SLC35F1: variants seen among roughly 807,000 people sequenced by gnomAD.
SLC35F1 encodes the protein solute carrier family 35 member F1, also known as chromosome 6 open reading frame 169.
SLC35F1 carries 14 observed loss-of-function variants against 48.7 expected under a neutral mutation model. The ratio of observed to expected loss-of-function variants is 0.29; its 90% CI spans 0.19 to 0.45. The LOEUF (loss-of-function observed/expected upper bound fraction) is 0.45, where lower values mean the gene tolerates loss of function less well. SLC35F1 is among the 20% of genes least tolerant of loss of function. SLC35F1 has a pLI of 1.00. For missense variants in SLC35F1, 404 were observed against 500.0 expected, an observed-to-expected ratio of 0.81 and a Z score of 1.83; for synonymous variants, 190 against 202.2, an observed-to-expected ratio of 0.94 and a Z score of 0.51.
intron 2 of SLC35F1, among the ~76,000 whole-genome samples, chr6:118,173,781 A>G (rs1436375799): frequency 6.6e-6 from 1 of 152,172 alleles, no homozygotes; most frequent in Non-Finnish European, 1.5e-5. Flanking sequence ...AGAGAATTCC[A>G]TAGGTGCAGA....
intron 1 of SLC35F1, among the ~76,000 whole-genome samples, chr6:118,148,353 A>G (rs149626561): frequency 0.011 from 1,723 of 152,350 alleles, 17 homozygotes; most frequent in Non-Finnish European, 0.014. Context: ...TATAACTAAG[A>G]GAAGAAAACA....
At chr6:118,151,780 G>C (rs1048789942) in intron 1 of SLC35F1, among the ~76,000 whole-genome samples, 8 of 152,184 alleles carry the variant, frequency 5.3e-5, no homozygotes, top group African/African-American at 1.7e-4. Flanking sequence ...GCCTCCCAGA[G>C]TGTTGGGATT....
chr6:118,094,130 G>A (rs1400116815), intron 1 of SLC35F1, among the ~76,000 whole-genome samples: 2 of 152,138 alleles, frequency 1.3e-5, no homozygotes, highest in East Asian at 1.9e-4. Context: ...TGTTGAGAAT[G>A]ATATGGGGGA....
intron 1 of SLC35F1, among the ~76,000 whole-genome samples, chr6:118,020,461 T>C (rs1356929419): frequency 6.6e-6 from 1 of 152,194 alleles, no homozygotes; most frequent in African/African-American, 2.4e-5. Context: ...CAAAGTGTTA[T>C]AGATTATCTG....
chr6:118,079,062 A>G (rs531183241), intron 1 of SLC35F1, among the ~76,000 whole-genome samples: 7 of 152,344 alleles, frequency 4.6e-5, no homozygotes, highest in African/African-American at 1.7e-4. Flanking sequence ...GATTTTTTGT[A>G]TACAATTTTT....
intron 2 of SLC35F1, among the ~76,000 whole-genome samples, chr6:118,163,424 T>A (rs12195573): frequency 1.3e-5 from 2 of 150,106 alleles, no homozygotes; most frequent in Non-Finnish European, 3.0e-5. Flanking sequence ...ACACTCACAC[T>A]CACACACACA....
intron 1 of SLC35F1, among the ~76,000 whole-genome samples, chr6:118,112,205 T>G (rs1404085994): frequency 6.6e-6 from 1 of 151,846 alleles, no homozygotes; most frequent in East Asian, 1.9e-4. Flanking sequence ...CTCGGCTCAC[T>G]GAAACCTCCA....
chr6:117,920,859 A>G (rs1775888536), intron 1 of SLC35F1, among the ~76,000 whole-genome samples: 1 of 152,142 alleles, frequency 6.6e-6, no homozygotes, highest in South Asian at 2.1e-4. Flanking sequence ...AAGATGATCG[A>G]TCCATGATAT....
chr6:117,989,348 G>T (rs764628418), intron 1 of SLC35F1, among the ~76,000 whole-genome samples: 3 of 152,224 alleles, frequency 2.0e-5, no homozygotes, highest in Non-Finnish European at 4.4e-5. Context: ...CTTTCTGGAA[G>T]ACTGTCACCA....
intron 1 of SLC35F1, among the ~76,000 whole-genome samples, chr6:117,969,392 A>T (rs908368387): frequency 2.0e-5 from 3 of 152,202 alleles, no homozygotes; most frequent in African/African-American, 7.2e-5. Context: ...AAAAGAAAAC[A>T]TTCACTTATT....
intron 1 of SLC35F1, among the ~76,000 whole-genome samples, chr6:117,999,677 A>T (rs1275492122): frequency 1.3e-5 from 2 of 152,164 alleles, no homozygotes; most frequent in African/African-American, 4.8e-5. Context: ...TTTTGAAAGG[A>T]TCAACAAAAT....
chr6:118,122,810 A>G (rs1367809162), intron 1 of SLC35F1, among the ~76,000 whole-genome samples: 1 of 152,210 alleles, frequency 6.6e-6, no homozygotes, highest in Non-Finnish European at 1.5e-5. Flanking sequence ...AATAATTAAG[A>G]GCTGGCTTTA....
chr6:118,082,879 C>T (rs1562284457), intron 1 of SLC35F1, among the ~76,000 whole-genome samples: 1 of 152,106 alleles, frequency 6.6e-6, no homozygotes, highest in Non-Finnish European at 1.5e-5. Flanking sequence ...CTGCTCATCC[C>T]TGAAGTTGTC....
At chr6:118,241,603 G>A (rs1014961007) in intron 3 of SLC35F1, among the ~76,000 whole-genome samples, 14 of 151,742 alleles carry the variant, frequency 9.2e-5, no homozygotes, top group African/African-American at 3.4e-4. Context: ...GTGTGTGTGT[G>A]TGTGTCTGTG....
At chr6:118,194,112 T>A (rs1193766748) in intron 2 of SLC35F1, among the ~76,000 whole-genome samples, 1 of 144,034 alleles carries the variant, frequency 6.9e-6, no homozygotes, top group Non-Finnish European at 1.6e-5. Context: ...CAGAAGAAGA[T>A]CCAATAGTTG....
intron 1 of SLC35F1, among the ~76,000 whole-genome samples, chr6:117,960,991 A>G (rs1374206948): frequency 1.3e-5 from 2 of 152,164 alleles, no homozygotes; most frequent in African/African-American, 2.4e-5. Flanking sequence ...CTAGCTTGGT[A>G]CTACTTAACA....
chr6:118,278,316 G>A (rs1197875712), intron 6 of SLC35F1, among the ~76,000 whole-genome samples: 1 of 152,200 alleles, frequency 6.6e-6, no homozygotes, highest in Non-Finnish European at 1.5e-5. Context: ...TAAGTGGCAG[G>A]GAGGGGGCTA....
At chr6:118,285,051 T>C in intron 6 of SLC35F1, 133 bp from the exon 7 acceptor site, 1 of 870,522 alleles carries the variant, frequency 1.1e-6, no homozygotes, top group Non-Finnish European at 1.8e-6. Flanking sequence ...TAAACATCAG[T>C]GAATAGGGGA....
At chr6:118,304,053 G>A (rs765477396) in intron 7 of SLC35F1, among the ~76,000 whole-genome samples, 1 of 152,136 alleles carries the variant, frequency 6.6e-6, no homozygotes, top group African/African-American at 2.4e-5. Flanking sequence ...ATGTCTTTTG[G>A]TGGACTATTT....
Sources: allele counts gnomAD v4.1 joint callset (sites outside exome capture counted in the v4.1 genomes callset), GRCh38; gene constraint gnomAD v4.1.1; transcripts MANE v1.5; gene names NCBI Gene and HGNC (gene_info 2026-07-23, HGNC 2026-07-21).